CYP2C18: variants seen among roughly 807,000 people sequenced by gnomAD.
The protein encoded by CYP2C18 is cytochrome P450 family 2 subfamily C member 18.
Under a neutral mutation model 41.3 loss-of-function variants are expected in CYP2C18, and 38 were observed. The observed-to-expected ratio is 0.92, with a 90% CI of 0.71 to 1.21. The LOEUF (loss-of-function observed/expected upper bound fraction) is 1.21, where lower values mean the gene tolerates loss of function less well. Ranked by LOEUF, CYP2C18 falls within the 50% of genes most tolerant of loss-of-function variation. The pLI is 0.00. For synonymous variants in CYP2C18, 236 were observed against 210.0 expected, an observed-to-expected ratio of 1.12 and a Z score of -1.07; for missense variants, 635 against 591.4, an observed-to-expected ratio of 1.07 and a Z score of -0.77.
intron 3 of CYP2C18, among the ~76,000 whole-genome samples, chr10:94,692,920 A>G (rs1847035084): frequency 6.6e-6 from 1 of 151,208 alleles, no homozygotes; most frequent in Non-Finnish European, 1.5e-5. Context: ...CTATCGCAAG[A>G]CCAAACATCA....
At chr10:94,695,193 G>A (rs1000196127) in intron 4 of CYP2C18, 116 bp downstream of exon 4, 1 of 967,808 alleles carries the variant, frequency 1.0e-6, no homozygotes, top group Non-Finnish European at 1.5e-6. Flanking sequence ...TGCAGAATGG[G>A]CAGGTTTGTC....
At chr10:94,724,233 A>G (rs1847694252) in intron 6 of CYP2C18, 113 bp from the exon 7 acceptor site, 2 of 1,045,000 alleles carry the variant, frequency 1.9e-6, no homozygotes, top group East Asian at 2.4e-5. Flanking sequence ...TTTCAGTCCT[A>G]TAAGTTTATA....
At chr10:94,703,040 T>G in intron 4 of CYP2C18, among the ~76,000 whole-genome samples, 1 of 152,198 alleles carries the variant, frequency 6.6e-6, no homozygotes, top group Non-Finnish European at 1.5e-5. Context: ...CCAGACCCTG[T>G]TTGCCTGGGT....
intron 7 of CYP2C18, among the ~76,000 whole-genome samples, 197 bp from the exon 8 acceptor site, chr10:94,733,100 G>A (rs1159740162): frequency 6.6e-6 from 1 of 151,992 alleles, no homozygotes; most frequent in East Asian, 1.9e-4. Context: ...TTAATTGGAG[G>A]GGACTTCAGC....
chr10:94,725,407 T>C (rs1847722882), intron 7 of CYP2C18, among the ~76,000 whole-genome samples: 1 of 152,044 alleles, frequency 6.6e-6, no homozygotes, highest in Non-Finnish European at 1.5e-5. Flanking sequence ...TTCTGTGTTC[T>C]CTTTTAATAT....
intron 7 of CYP2C18, 73 bp downstream of exon 7, chr10:94,724,606 C>T (rs1350637723): frequency 1.5e-6 from 2 of 1,345,012 alleles, no homozygotes; most frequent in African/African-American, 2.9e-5. Context: ...TCCCAATCCT[C>T]TAACAACACA....
chr10:94,709,882 C>T (rs930446050), intron 5 of CYP2C18, among the ~76,000 whole-genome samples: 1 of 152,136 alleles, frequency 6.6e-6, no homozygotes, highest in East Asian at 1.9e-4. Flanking sequence ...GATCGTGGTA[C>T]ATTTGTTGAA....
chr10:94,728,156 T>C (rs1015759365), intron 7 of CYP2C18, among the ~76,000 whole-genome samples: 9 of 152,154 alleles, frequency 5.9e-5, no homozygotes, highest in African/African-American at 2.2e-4. Context: ...TTCACTTTAA[T>C]ACACTGACAG....
intron 4 of CYP2C18, among the ~76,000 whole-genome samples, chr10:94,706,154 A>G (rs1847339156): frequency 6.6e-6 from 1 of 152,222 alleles, no homozygotes; most frequent in Admixed American, 6.5e-5. Context: ...TTTGGGGTGT[A>G]TGAACCATTA....
chr10:94,732,768 T>TGGC (rs1847855123), intron 7 of CYP2C18, among the ~76,000 whole-genome samples: 1 of 151,906 alleles, frequency 6.6e-6, no homozygotes, highest in Non-Finnish European at 1.5e-5. Flanking sequence ...CTCATGGACA[T>TGGC]AAAGATGGCA....
Position 94,703,233 on chromosome 10 carries a change from C to T in CYP2C18, c.643-3551C>T, listed in dbSNP as rs969805051. On this transcript the variant is annotated intron_variant, in intron 4 of 8. Coordinates refer to ENST00000285979, the MANE Select transcript of CYP2C18 (RefSeq NM_000772.3). ...GGGGTCAGGGACCCACTTGAGGAGG[C>T]AGTCTGTCCCTTAGCAGAGCTTGAG... Among the ~76,000 whole-genome samples, 5 of 152,328 alleles carry T rather than the reference C, an allele frequency of 3.3e-5. No individual in the cohort carries two copies. The East Asian group carries it at 5.8e-4, about 18-fold the overall frequency.
chr10:94,703,604 G>A (rs116420245), intron 4 of CYP2C18, among the ~76,000 whole-genome samples: 1 of 152,106 alleles, frequency 6.6e-6, no homozygotes, highest in Admixed American at 6.5e-5. Context: ...TTGAGCATCC[G>A]AGGTCGACTT....
intron 3 of CYP2C18, 125 bp from the exon 4 acceptor site, chr10:94,694,792 G>A (rs959361995): frequency 2.9e-6 from 3 of 1,052,428 alleles, no homozygotes; most frequent in Non-Finnish European, 4.1e-6. Flanking sequence ...TGTAGTTTGT[G>A]TTGATAAGAG....
intron 7 of CYP2C18, among the ~76,000 whole-genome samples, chr10:94,726,142 AC>A (rs1195686734): frequency 6.6e-6 from 1 of 152,120 alleles, no homozygotes; most frequent in Non-Finnish European, 1.5e-5. Context: ...GAATTATGCA[AC>A]ACCTTCTACC....
chr10:94,701,441 G>C (rs1847242940), intron 4 of CYP2C18, among the ~76,000 whole-genome samples: 1 of 152,076 alleles, frequency 6.6e-6, no homozygotes, highest in Non-Finnish European at 1.5e-5. Flanking sequence ...GACACGGGAA[G>C]GGGAACATCA....
intron 3 of CYP2C18, among the ~76,000 whole-genome samples, chr10:94,694,220 A>T (rs1317451021): frequency 6.6e-6 from 1 of 152,166 alleles, no homozygotes; most frequent in African/African-American, 2.4e-5. Context: ...GAAATAAGGA[A>T]ATAAAAGGAC....
intron 5 of CYP2C18, among the ~76,000 whole-genome samples, chr10:94,714,800 C>T (rs1847509521): frequency 6.6e-6 from 1 of 152,124 alleles, no homozygotes; most frequent in Non-Finnish European, 1.5e-5. Flanking sequence ...TTGTTTCTTC[C>T]TATCCGTAAG....
intron 5 of CYP2C18, among the ~76,000 whole-genome samples, chr10:94,718,788 C>A (rs543772988): frequency 5.9e-5 from 9 of 152,108 alleles, no homozygotes; most frequent in Non-Finnish European, 5.9e-5. Context: ...TAGAGAGAGA[C>A]TCCTGTATAC....
At chr10:94,724,599 C>T in intron 7 of CYP2C18, 66 bp downstream of exon 7, 1 of 1,405,752 alleles carries the variant, frequency 7.1e-7, no homozygotes, top group Non-Finnish European at 1.0e-6. Flanking sequence ...AGTATAGTCC[C>T]AATCCTCTAA....
Sources: allele counts gnomAD v4.1 joint callset (sites outside exome capture counted in the v4.1 genomes callset), GRCh38; gene constraint gnomAD v4.1.1; transcripts MANE v1.5; gene names NCBI Gene and HGNC (gene_info 2026-07-23, HGNC 2026-07-21).